CHCHD6: variants seen among roughly 807,000 people sequenced by gnomAD.
The protein encoded by CHCHD6 is coiled-coil-helix-coiled-coil-helix domain containing 6.
In CHCHD6, 28 loss-of-function variants were observed where a neutral mutation model predicts 32.3. The observed-to-expected ratio is 0.87, with a 90% CI of 0.64 to 1.19. The LOEUF (loss-of-function observed/expected upper bound fraction) is 1.19. Ranked by LOEUF, CHCHD6 falls within the 50% of genes most tolerant of loss-of-function variation. CHCHD6 has a pLI of 0.00. For synonymous variants in CHCHD6, 122 were observed against 117.5 expected (o/e 1.04, Z -0.25); for missense variants, 333 against 307.0 (o/e 1.08, Z -0.63).
chr3:126,840,354 G>C (rs1229560534), intron 4 of CHCHD6, among the ~76,000 whole-genome samples: 2 of 152,090 alleles, frequency 1.3e-5, no homozygotes, highest in Non-Finnish European at 2.9e-5. Flanking sequence ...AAAACCCACT[G>C]CATTATAGAT....
chr3:126,856,271 CA>C (rs2107554307), intron 5 of CHCHD6, among the ~76,000 whole-genome samples: 1 of 152,346 alleles, frequency 6.6e-6, no homozygotes, highest in South Asian at 2.1e-4. Flanking sequence ...TAACCCAAAA[CA>C]AAGGGCCTCA....
intron 7 of CHCHD6, 50 bp downstream of exon 7, chr3:126,957,601 G>A (rs568049387): frequency 1.8e-5 from 28 of 1,540,950 alleles, no homozygotes; most frequent in African/African-American, 4.1e-5. Flanking sequence ...GGAGGTAGGC[G>A]AGGTACCTCT....
chr3:126,768,708 T>C (rs944994052), intron 4 of CHCHD6, among the ~76,000 whole-genome samples: 2 of 152,222 alleles, frequency 1.3e-5, no homozygotes, highest in African/African-American at 4.8e-5. Flanking sequence ...GCATACCCTT[T>C]TCCCCACAAC....
chr3:126,889,447 G>A (rs2077725316), intron 5 of CHCHD6, among the ~76,000 whole-genome samples: 1 of 152,176 alleles, frequency 6.6e-6, no homozygotes, highest in African/African-American at 2.4e-5. Flanking sequence ...CATGCTCTGG[G>A]CTTGGCAGTC....
intron 4 of CHCHD6, among the ~76,000 whole-genome samples, chr3:126,751,073 CA>C (rs1936700943): frequency 6.6e-6 from 1 of 152,122 alleles, no homozygotes; most frequent in South Asian, 2.1e-4. Context: ...CTGGAGTCAC[CA>C]CCGGTAGGGC....
intron 4 of CHCHD6, among the ~76,000 whole-genome samples, chr3:126,734,081 A>G (rs562197234): frequency 4.6e-5 from 7 of 152,320 alleles, no homozygotes; most frequent in African/African-American, 1.4e-4. Context: ...TTGTGTCTCT[A>G]TCACAGGGAT....
chr3:126,816,741 C>A (rs1274672638), intron 4 of CHCHD6, among the ~76,000 whole-genome samples: 1 of 151,990 alleles, frequency 6.6e-6, no homozygotes, highest in African/African-American at 2.4e-5. Context: ...ACTTTAAGTT[C>A]TAGGGTACAT....
intron 5 of CHCHD6, among the ~76,000 whole-genome samples, chr3:126,902,135 C>G (rs988125936): frequency 6.6e-6 from 1 of 152,214 alleles, no homozygotes; most frequent in African/African-American, 2.4e-5. Flanking sequence ...ATTAGAATCT[C>G]TTGGGGGAGC....
chr3:126,752,823 G>C lies in CHCHD6; in HGVS notation c.411+19601G>C, dbSNP rs563908099. 1.7e-4 allele frequency among the ~76,000 whole-genome samples: 26 copies of C among 152,272 alleles called. 2 individuals are homozygous for C. The highest frequency in any genetic ancestry group is 1.7e-3 in the Admixed American group (26 of 15,304). ...TTACTGATGGCTTGGCTTGGATCCA[G>C]AAAAATGTAAAGAAGGAGCAGTTGG... On this transcript the variant is annotated intron_variant, in intron 4 of 7. Coordinates refer to ENST00000290913, the MANE Select transcript of CHCHD6 (RefSeq NM_032343.3).
At chr3:126,869,775 T>C (rs73205615) in intron 5 of CHCHD6, among the ~76,000 whole-genome samples, 14,293 of 152,318 alleles carry the variant, frequency 0.094, 866 homozygotes, top group Middle Eastern at 0.22. Context: ...GTGTAACTTA[T>C]TGTAAGTTTA....
At chr3:126,955,996 C>T (rs969200283) in intron 6 of CHCHD6, among the ~76,000 whole-genome samples, 1 of 152,206 alleles carries the variant, frequency 6.6e-6, no homozygotes, top group Non-Finnish European at 1.5e-5. Context: ...CCGCAGACTT[C>T]CAGAGCAAGA....
At chr3:126,825,185 T>G (rs1940335156) in intron 4 of CHCHD6, among the ~76,000 whole-genome samples, 1 of 152,228 alleles carries the variant, frequency 6.6e-6, no homozygotes, top group African/African-American at 2.4e-5. Flanking sequence ...TATTATTATG[T>G]GTATACTGCT....
intron 6 of CHCHD6, among the ~76,000 whole-genome samples, chr3:126,942,635 G>C (rs564595822): frequency 1.3e-5 from 2 of 152,024 alleles, no homozygotes; most frequent in Non-Finnish European, 2.9e-5. Flanking sequence ...ACTTTCTAGC[G>C]CAAGGTGTTC....
intron 4 of CHCHD6, among the ~76,000 whole-genome samples, chr3:126,737,773 G>A (rs534770847): frequency 7.9e-5 from 12 of 152,216 alleles, no homozygotes; most frequent in South Asian, 4.2e-4. Flanking sequence ...CAAAGGCCAC[G>A]CATTTGGGGA....
intron 4 of CHCHD6, among the ~76,000 whole-genome samples, chr3:126,773,775 T>C (rs2107678115): frequency 6.6e-6 from 1 of 152,224 alleles, no homozygotes. Context: ...CCAGCTAATT[T>C]TTTGTATTTT....
At chr3:126,711,672 C>G (rs748261288) in intron 1 of CHCHD6, among the ~76,000 whole-genome samples, 1 of 152,162 alleles carries the variant, frequency 6.6e-6, no homozygotes, top group Admixed American at 6.5e-5. Context: ...CATCTCCATG[C>G]GCCCATTTAG....
chr3:126,749,118 A>T (rs1936622606), intron 4 of CHCHD6, among the ~76,000 whole-genome samples: 1 of 152,110 alleles, frequency 6.6e-6, no homozygotes, highest in Admixed American at 6.5e-5. Flanking sequence ...GAGTTCAGTG[A>T]GTGAATGCAG....
chr3:126,746,679 G>A (rs994012614), intron 4 of CHCHD6, among the ~76,000 whole-genome samples: 1 of 152,192 alleles, frequency 6.6e-6, no homozygotes, highest in Non-Finnish European at 1.5e-5. Flanking sequence ...CATGTCACAT[G>A]TGTGGAATTT....
intron 4 of CHCHD6, among the ~76,000 whole-genome samples, chr3:126,756,134 G>A (rs1287153877): frequency 6.6e-6 from 1 of 152,054 alleles, no homozygotes; most frequent in African/African-American, 2.4e-5. Context: ...ACACAGGACC[G>A]AGTTTCCCAC....
Sources: gnomAD v4.1 joint callset for allele counts (sites outside exome capture counted in the v4.1 genomes callset) on GRCh38, gnomAD v4.1.1 for gene constraint, MANE v1.5 for transcripts, NCBI Gene and HGNC (gene_info 2026-07-23, HGNC 2026-07-21) for gene names.